Variants in IWS1 observed in about 807,000 individuals in gnomAD.
IWS1 encodes the protein protein IWS1 homolog.
A neutral mutation model predicts 86.7 loss-of-function variants in IWS1; 27 were observed. The ratio of observed to expected loss-of-function variants is 0.31; its 90% CI spans 0.23 to 0.43. The LOEUF (loss-of-function observed/expected upper bound fraction) is 0.43. Ranked by LOEUF, IWS1 falls within the 20% of genes least tolerant of loss-of-function variation. The pLI is 1.00. For synonymous variants in IWS1, 313 were observed against 335.1 expected (o/e 0.93, Z 0.72); for missense variants, 827 against 1,000.8 (o/e 0.83, Z 2.34).
chr2:127,492,477 C>T (rs571074190), intron 9 of IWS1, among the ~76,000 whole-genome samples: 2 of 151,184 alleles, frequency 1.3e-5, no homozygotes, highest in East Asian at 2.0e-4. Flanking sequence ...ACCTAGGAAG[C>T]GGAGGTTGAA....
chr2:127,516,690 G>A (rs1296576734), intron 2 of IWS1, among the ~76,000 whole-genome samples: 1 of 152,200 alleles, frequency 6.6e-6, no homozygotes, highest in South Asian at 2.1e-4. Flanking sequence ...GTGCCCAGGA[G>A]TTCAAGGTTA....
intron 2 of IWS1, among the ~76,000 whole-genome samples, chr2:127,522,888 A>G (rs1692177622): frequency 6.6e-6 from 1 of 152,232 alleles, no homozygotes; most frequent in Non-Finnish European, 1.5e-5. Flanking sequence ...ATACTATTAC[A>G]TATTATTAAA....
intron 2 of IWS1, among the ~76,000 whole-genome samples, chr2:127,519,118 G>A (rs536478713): frequency 3.3e-5 from 5 of 151,396 alleles, no homozygotes; most frequent in Non-Finnish European, 7.4e-5. Flanking sequence ...TTCAAATCTT[G>A]GAGAAAAAAA....
In IWS1 at chr2:127,480,875, G is replaced by T; in HGVS notation, c.*169C>A. On this transcript the variant is annotated 3_prime_UTR_variant, in exon 14 of 14. Coordinates refer to ENST00000295321, the MANE Select transcript of IWS1 (RefSeq NM_017969.3). ...TATGACTAGTATTCCTTTGTACAAA[G>T]TACACAACGGTTTTAAATATAACTG... 1.5e-6 allele frequency: 1 copy of T among 668,642 alleles called. No individual in the cohort carries two copies. The highest frequency in any genetic ancestry group is 2.4e-6 in the Non-Finnish European group (1 of 413,156). 41.4% of individuals were successfully genotyped at this position (668,642 alleles called of 1,614,324 possible). A position where few individuals can be genotyped will look rare whatever the true frequency, so the allele number is the denominator to read the frequency against.
At chr2:127,507,164 G>A (rs1170414593) in intron 2 of IWS1, among the ~76,000 whole-genome samples, 1 of 152,058 alleles carries the variant, frequency 6.6e-6, no homozygotes. Context: ...TAAGTGACAA[G>A]ATTATTCTTG....
intron 10 of IWS1, 121 bp from the exon 11 acceptor site, chr2:127,490,064 T>C (rs334156): frequency 0.86 from 571,265 of 667,062 alleles, 245,794 homozygotes; most frequent in East Asian, 1. Context: ...CCTTGAAGAG[T>C]CCATTATTTC....
chr2:127,502,567 T>C (rs941374805), intron 5 of IWS1: 9 of 306,334 alleles, frequency 2.9e-5, no homozygotes, highest in African/African-American at 1.9e-4. Context: ...CCCTTTAGCA[T>C]TATAAAGTGA....
At chr2:127,523,467 G>A (rs1692219784) in intron 2 of IWS1, among the ~76,000 whole-genome samples, 1 of 152,170 alleles carries the variant, frequency 6.6e-6, no homozygotes, top group Admixed American at 6.5e-5. Context: ...TTTGAAATGT[G>A]ACCCAATCAG....
rs1461160716 is a variant in IWS1 at position 127,504,966 on chromosome 2, T to G, written c.937A>C (p.Ser313Arg). ...GACGCATCCTCAGTTTCTGAGTCAC[T>G]GGCAGGCCCCTTCTGAGGCCCCTCA... ...ESEGPQKGPA[S>R]DSETEDASRH... Residue 313 changes from serine to arginine, a missense_variant, in exon 3 of 14, where the codon AGT (serine) becomes CGT (arginine). Ser to Arg is a moderately radical substitution (Grantham distance 110). Coordinates refer to ENST00000295321, the MANE Select transcript of IWS1 (RefSeq NM_017969.3). 1 of 1,614,190 alleles carries G rather than the reference T, an allele frequency of 6.2e-7. No homozygotes were observed. The highest frequency in any genetic ancestry group is 8.5e-7 in the Non-Finnish European group (1 of 1,180,042).
At chr2:127,524,489 A>C (rs1276221221) in intron 1 of IWS1, among the ~76,000 whole-genome samples, 1 of 152,022 alleles carries the variant, frequency 6.6e-6, no homozygotes, top group Non-Finnish European at 1.5e-5. Context: ...TACTTTAAAA[A>C]ATACAGAGTA....
chr2:127,503,669 A>AAAATAAATAAAT lies in IWS1; in HGVS notation c.1220-105_1220-94dup, dbSNP rs3033265. The AAAATAAATAAAT allele has an allele frequency of 4.0e-3, 1,146 of 285,332 alleles. 16 individuals are homozygous for AAAATAAATAAAT. Among genetic ancestry groups the AAAATAAATAAAT allele is most frequent in the African/African-American group, 0.024 (1,046 of 44,296 alleles). 17.7% of individuals were successfully genotyped at this position (285,332 alleles called of 1,614,324 possible). A position where few individuals can be genotyped will look rare whatever the true frequency, so the allele number is the denominator to read the frequency against. On this transcript the variant is annotated intron_variant, in intron 3 of 13. Transcript: ENST00000295321. ...TGCTTTAAGATGGCAGTATACAGCA[A>AAAATAAATAAAT]AAATAAATAAATAAATAAATAAATA...
chr2:127,494,245 T>TAAA (rs11327472), intron 8 of IWS1, among the ~76,000 whole-genome samples: 24 of 94,044 alleles, frequency 2.6e-4, no homozygotes, highest in Non-Finnish European at 3.6e-4. Flanking sequence ...TGTCTCTAAT[T>TAAA]AAAAAAAAAA....
At chr2:127,509,463 C>T (rs1015780650) in intron 2 of IWS1, among the ~76,000 whole-genome samples, 1 of 152,068 alleles carries the variant, frequency 6.6e-6, no homozygotes, top group African/African-American at 2.4e-5. Flanking sequence ...AATCCCAGCA[C>T]TTTGGGAGGC....
At chr2:127,517,526 T>C (rs531609721) in intron 2 of IWS1, among the ~76,000 whole-genome samples, 1 of 152,288 alleles carries the variant, frequency 6.6e-6, no homozygotes, top group Non-Finnish European at 1.5e-5. Flanking sequence ...ATGGGATAAC[T>C]AGACAGCCAA....
chr2:127,483,115 C>G (rs1689720398), intron 13 of IWS1: 1 of 150,262 alleles, frequency 6.7e-6, no homozygotes, highest in Non-Finnish European at 1.5e-5. Context: ...AAAATGTTAA[C>G]ATTAAGTTGT....
chr2:127,483,619 TGTGTGC>T (rs61015530), intron 13 of IWS1, among the ~76,000 whole-genome samples: 4,572 of 13,240 alleles, frequency 0.35, 491 homozygotes, highest in East Asian at 0.52. Flanking sequence ...TGTGTGTGTG[TGTGTGC>T]GTGTGCGTGT....
intron 2 of IWS1, among the ~76,000 whole-genome samples, chr2:127,507,437 A>G (rs1313431589): frequency 1.3e-5 from 2 of 152,020 alleles, no homozygotes; most frequent in Admixed American, 6.6e-5. Context: ...TCCTAAATAC[A>G]TTTTTCTTGA....
At chr2:127,485,464 T>C (rs1689879572) in intron 13 of IWS1, among the ~76,000 whole-genome samples, 1 of 152,228 alleles carries the variant, frequency 6.6e-6, no homozygotes. Flanking sequence ...TAAGGCTTTA[T>C]GTAATGAGTT....
intron 2 of IWS1, among the ~76,000 whole-genome samples, chr2:127,521,835 T>A (rs1483523576): frequency 6.6e-6 from 1 of 152,116 alleles, no homozygotes; most frequent in Non-Finnish European, 1.5e-5. Flanking sequence ...GAATCCATAT[T>A]ATAAAAAAAC....
Sources: gnomAD v4.1 joint callset for allele counts (sites outside exome capture counted in the v4.1 genomes callset) on GRCh38, gnomAD v4.1.1 for gene constraint, MANE v1.5 for transcripts, NCBI Gene and HGNC (gene_info 2026-07-23, HGNC 2026-07-21) for gene names.